The following CACNB1 variants were observed in gnomAD, a reference collection of about 807,000 sequenced individuals.
CACNB1 encodes voltage-dependent L-type calcium channel subunit beta-1.
A neutral mutation model predicts 71.6 loss-of-function variants in CACNB1; 29 were observed. That is an observed-to-expected ratio of 0.40 (90% CI 0.30 to 0.55). The LOEUF (loss-of-function observed/expected upper bound fraction) is 0.55, where lower values mean the gene tolerates loss of function less well. Ranked by LOEUF, CACNB1 falls within the 20% of genes least tolerant of loss-of-function variation. The pLI, the probability that CACNB1 is intolerant of heterozygous loss-of-function variation, is 0.38. For missense variants in CACNB1, 623 were observed against 801.8 expected (o/e 0.78, Z 2.69); for synonymous variants, 300 against 319.6 (o/e 0.94, Z 0.65).
In CACNB1 at chr17:39,184,870, GGGGGAAGCAGGGA is replaced by G; in HGVS notation, c.649-19_649-7del. On this transcript the variant is annotated splice_region_variant and splice_polypyrimidine_tract_variant and intron_variant, in intron 7 of 13. Coordinates refer to ENST00000394303, the MANE Select transcript of CACNB1 (RefSeq NM_000723.5). ...TAGGGGGGCACATGCTCTGTCTGGG[GGGGGAAGCAGGGA>G]GGGGAAACCCCAGAGTGGAGATGAC... 6.5e-7 allele frequency: 1 copy of G among 1,527,370 alleles called. No homozygotes were observed. The highest frequency in any genetic ancestry group is 9.1e-7 in the Non-Finnish European group (1 of 1,100,856). The allele number at this position is 1,527,370 out of a possible 1,614,324, so 94.6% of individuals were successfully genotyped here.
rs769307526 is a variant in CACNB1, at chr17:39,173,642, C to G, written c.*1551G>C. 3.3e-5 allele frequency: 5 copies of G among 152,264 alleles called. No individual in the cohort carries two copies. Among genetic ancestry groups the G allele is most frequent in the Non-Finnish European group, 5.9e-5 (4 of 68,024 alleles). The allele number at this position is 152,264 out of a possible 1,614,324, so 9.4% of individuals were successfully genotyped here. On this transcript the variant is annotated 3_prime_UTR_variant, in exon 14 of 14. Coordinates refer to ENST00000394303, the MANE Select transcript of CACNB1 (RefSeq NM_000723.5). ...GGCTTGGGCACAATACATCAGAGGG[C>G]CAAAATCAAAGGATCATCTTTTCTT...
At chr17:39,191,688 G>A (rs1016672273) in intron 2 of CACNB1, 95 bp from the exon 3 acceptor site, 23 of 1,323,802 alleles carry the variant, frequency 1.7e-5, no homozygotes, top group South Asian at 1.2e-4. Context: ...TGGATGCCTC[G>A]AGCCCCAGCC....
chr17:39,183,578 G>A (rs973116839), intron 11 of CACNB1, 135 bp downstream of exon 11: 18 of 734,278 alleles, frequency 2.5e-5, no homozygotes, highest in Non-Finnish European at 3.5e-5. Flanking sequence ...ACAATACGAT[G>A]GAGCTTTACA....
chr17:39,180,491 C>T (rs2144102180), intron 11 of CACNB1, among the ~76,000 whole-genome samples: 1 of 151,740 alleles, frequency 6.6e-6, no homozygotes, highest in Non-Finnish European at 1.5e-5. Flanking sequence ...TCTGTCTCTA[C>T]TAAAAATATA....
At position 39,174,892 on chromosome 17, in the gene CACNB1, G is replaced by A. The variant is rs1445036257; in HGVS notation, c.*301C>T. 17 of 382,424 alleles carry A rather than the reference G, an allele frequency of 4.4e-5. No individual in the cohort carries two copies. In the East Asian group the frequency reaches 8.2e-4, roughly 18 times the overall value. The allele number at this position is 382,424 out of a possible 1,614,324, so 23.7% of individuals were successfully genotyped here. On this transcript the variant is annotated 3_prime_UTR_variant, in exon 14 of 14. Transcript: ENST00000394303. ...CCCGAGTAGAAAGAGTTAAGGAAGT[G>A]CACCTTTTCTCTAGGAGGGTGAGGG...
At chr17:39,177,938 C>A (rs1243048979) in intron 12 of CACNB1, 46 bp downstream of exon 12, 1 of 1,470,644 alleles carries the variant, frequency 6.8e-7, no homozygotes, top group East Asian at 2.3e-5. Context: ...CCAGGACAAC[C>A]CAAATGTTCT....
chr17:39,177,615 T>A, intron 12 of CACNB1, 80 bp from the exon 13 acceptor site: 1 of 1,143,174 alleles, frequency 8.7e-7, no homozygotes, highest in Non-Finnish European at 1.2e-6. Context: ...CTGGGTGCAG[T>A]GGGTAGAGTC....
At chr17:39,191,767 TCTCAGG>T (rs918533308) in intron 2 of CACNB1, 174 bp from the exon 3 acceptor site, 22 of 602,024 alleles carry the variant, frequency 3.7e-5, no homozygotes, top group Non-Finnish European at 3.6e-5. Flanking sequence ...AGCTGAGATT[TCTCAGG>T]CCCCTGGGGA....
Position 39,175,256 on chromosome 17 carries a change from A to AC in CACNB1, c.1733dup (p.Pro579SerfsTer9). ...CATTCTTGTTGCGCCCCAAAACTGG[A>AC]CCCCCACCCTCAGCGCAGTAGCGGG... On this transcript the variant is annotated frameshift_variant, in exon 14 of 14. Transcript: ENST00000394303. LOFTEE classifies it high-confidence loss of function. The surrounding 1 kb of genome is among the most constrained non-coding windows in gnomAD (Gnocchi z 4.7). 2 of 1,613,554 alleles carry AC rather than the reference A, an allele frequency of 1.2e-6. No homozygotes were observed. Among genetic ancestry groups the AC allele is most frequent in the Non-Finnish European group, 1.7e-6 (2 of 1,179,876 alleles).
intron 11 of CACNB1, among the ~76,000 whole-genome samples, chr17:39,179,836 G>A (rs1305042119): frequency 1.3e-5 from 2 of 152,170 alleles, no homozygotes; most frequent in African/African-American, 2.4e-5. Context: ...TTGAACTTGG[G>A]AGGCAGAGGT....
At position 39,185,162 on chromosome 17, in the gene CACNB1, G is replaced by A. The variant is rs764421809; in HGVS notation, c.629-12C>T. On this transcript the variant is annotated splice_polypyrimidine_tract_variant and intron_variant, in intron 6 of 13. Coordinates refer to ENST00000394303, the MANE Select transcript of CACNB1 (RefSeq NM_000723.5). ...CTGCTTCTGTTTGGCTGGGTCCAGAGATTGCCAAGAGAGGGAAGGGGGAGG... is the reference window on the plus strand; with the variant it reads ...CTGCTTCTGTTTGGCTGGGTCCAGAAATTGCCAAGAGAGGGAAGGGGGAGG... 6.2e-7 allele frequency: 1 copy of A among 1,612,990 alleles called. No individual in the cohort carries two copies. Among genetic ancestry groups the A allele is most frequent in the African/African-American group, 1.3e-5 (1 of 74,876 alleles).
intron 3 of CACNB1, among the ~76,000 whole-genome samples, chr17:39,189,111 T>C (rs1405917560): frequency 6.6e-6 from 1 of 151,972 alleles, no homozygotes; most frequent in Non-Finnish European, 1.5e-5. Context: ...ATGCCTGTAA[T>C]CCCAGCACTT....
chr17:39,186,114 A>T lies in CACNB1; in HGVS notation c.628+382T>A, dbSNP rs142338513. On this transcript the variant is annotated intron_variant, in intron 6 of 13. Coordinates refer to ENST00000394303, the MANE Select transcript of CACNB1 (RefSeq NM_000723.5). This position sits in a 1 kb window ranked among gnomAD's most constrained non-coding sequence, Gnocchi z 4.1. The stretch of plus-strand genomic sequence containing the variant: ...TTAGTCATTTCATTACCTGGACCGG[A>T]GAGTCAGGAGAGAGGGAGGAGGGAG... 7.9e-4 allele frequency: 1,275 copies of T among 1,612,782 alleles called. 9 individuals are homozygous for T. In the African/African-American group the frequency reaches 0.016, roughly 20 times the overall value.
At position 39,186,799 on chromosome 17, in the gene CACNB1, C is replaced by A. The variant is rs1439356571; in HGVS notation, c.545G>T (p.Gly182Val). The change falls in exon 5 of 14, where the codon GGC becomes GTC. Residue 182 changes from glycine (G) to valine (V), a missense_variant. Transcript: ENST00000394303. This position sits in a 1 kb window ranked among gnomAD's most constrained non-coding sequence, Gnocchi z 4.1. ...QEQKLRQNRLGSSKSGDNSSS... is the reference protein window; with the variant it reads ...QEQKLRQNRLVSSKSGDNSSS... ...CCCTGCCCCACCCAGACACCTGGAG[C>A]CGAGGCGGTTCTGGCGCAGCTTCTG... The A allele has an allele frequency of 1.2e-6, 2 of 1,613,840 alleles. No individual in the cohort carries two copies. Among genetic ancestry groups the A allele is most frequent in the Admixed American group, 1.7e-5 (1 of 60,014 alleles).
At chr17:39,183,952 G>A (rs1380505943) in intron 10 of CACNB1, 79 bp downstream of exon 10, 3 of 1,549,186 alleles carry the variant, frequency 1.9e-6, no homozygotes, top group African/African-American at 2.7e-5. Flanking sequence ...AGATGGCCCT[G>A]CCCACTACCT....
chr17:39,190,491 G>A (rs1408674698), intron 3 of CACNB1, among the ~76,000 whole-genome samples: 5 of 152,030 alleles, frequency 3.3e-5, no homozygotes, highest in Admixed American at 6.6e-5. Flanking sequence ...GCAGTGGTGC[G>A]ATCTCAGCTC....
Position 39,184,040 on chromosome 17 carries a change from A to G in CACNB1, c.889T>C (p.Ser297Pro). 1.2e-6 allele frequency: 2 copies of G among 1,611,294 alleles called. No individual in the cohort carries two copies. The highest frequency in any genetic ancestry group is 1.7e-6 in the Non-Finnish European group (2 of 1,177,750). Residue 297 changes from serine (S) to proline (P), a missense_variant, in exon 10 of 14, where the codon TCC (serine) becomes CCC (proline). Ser to Pro is a moderately conservative substitution (Grantham distance 74). Transcript: ENST00000394303. Reference protein sequence around the residue: ...HIIIERSNTRSSLAEVQSEIE... With the variant: ...HIIIERSNTRPSLAEVQSEIE... The stretch of plus-strand genomic sequence containing the variant: ...GCAGGAGTAGGCTCACCCAGGCTGG[A>G]GCGTGTGTTGGAGCGCTCAATGATG...
chr17:39,190,387 A>T (rs767399916), intron 3 of CACNB1, among the ~76,000 whole-genome samples: 1 of 152,126 alleles, frequency 6.6e-6, no homozygotes, highest in African/African-American at 2.4e-5. Context: ...AGTGACAGAG[A>T]GAGACCCTGT....
chr17:39,182,031 T>G (rs2045778284), intron 11 of CACNB1, among the ~76,000 whole-genome samples: 1 of 151,798 alleles, frequency 6.6e-6, no homozygotes, highest in African/African-American at 2.4e-5. Context: ...TGTGGTGGCA[T>G]GCACCTGTAG....
Sources: gnomAD v4.1 joint callset for allele counts (sites outside exome capture counted in the v4.1 genomes callset) on GRCh38, gnomAD v4.1.1 for gene constraint, Gnocchi (gnomAD v3.1) non-coding constraint, MANE v1.5 for transcripts, NCBI Gene and HGNC (gene_info 2026-07-23, HGNC 2026-07-21) for gene names.